The following NCKAP5 variants were observed in gnomAD, a reference collection of about 807,000 sequenced individuals.
NCKAP5 encodes the protein nck-associated protein 5.
In NCKAP5, 92 loss-of-function variants were observed where a neutral mutation model predicts 167.0. That is an observed-to-expected ratio of 0.55 (90% confidence interval 0.47 to 0.66). NCKAP5 has a LOEUF of 0.66. NCKAP5 is among the 30% of genes least tolerant of loss of function. NCKAP5 has a pLI of 0.00. For synonymous variants in NCKAP5, 891 were observed against 877.4 expected, an observed-to-expected ratio of 1.02 and a Z score of -0.27; for missense variants, 2,378 against 2,315.0, an observed-to-expected ratio of 1.03 and a Z score of -0.56.
intron 5 of NCKAP5, among the ~76,000 whole-genome samples, chr2:133,156,279 C>T (rs1220391815): frequency 4.6e-5 from 7 of 152,122 alleles, no homozygotes; most frequent in Admixed American, 4.6e-4. Context: ...TCACTTCCTC[C>T]CAGGAACCCA....
chr2:132,996,998 C>T (rs2077622433), intron 6 of NCKAP5, among the ~76,000 whole-genome samples: 1 of 152,198 alleles, frequency 6.6e-6, no homozygotes, highest in Non-Finnish European at 1.5e-5. Flanking sequence ...CTCAGTATGA[C>T]ACTGGTTGAA....
intron 8 of NCKAP5, among the ~76,000 whole-genome samples, chr2:132,926,487 A>G (rs1695901648): frequency 6.6e-6 from 1 of 152,210 alleles, no homozygotes; most frequent in Non-Finnish European, 1.5e-5. Context: ...ACTTTCCCAC[A>G]AATAGTATAA....
At chr2:132,748,274 A>C (rs1390604039) in intron 16 of NCKAP5, among the ~76,000 whole-genome samples, 2 of 152,204 alleles carry the variant, frequency 1.3e-5, no homozygotes, top group Non-Finnish European at 2.9e-5. Context: ...AATTAGGCAA[A>C]TAAGGTCATA....
intron 5 of NCKAP5, among the ~76,000 whole-genome samples, chr2:133,148,558 T>G (rs966650811): frequency 4.5e-4 from 68 of 152,134 alleles, no homozygotes; most frequent in African/African-American, 1.6e-3. Context: ...TATGGGCTAC[T>G]ATAACAAAAA....
chr2:133,520,082 T>C (rs956481083), intron 2 of NCKAP5, among the ~76,000 whole-genome samples: 1 of 152,044 alleles, frequency 6.6e-6, no homozygotes, highest in Non-Finnish European at 1.5e-5. Context: ...TCCCAGCTAC[T>C]CAGGAGGCTG....
intron 16 of NCKAP5, among the ~76,000 whole-genome samples, chr2:132,762,682 C>T (rs1188244657): frequency 6.6e-6 from 1 of 152,222 alleles, no homozygotes; most frequent in East Asian, 1.9e-4. Flanking sequence ...TAGCACATTA[C>T]TCTTCTCTTT....
chr2:133,072,581 C>T (rs2080454144), intron 6 of NCKAP5, among the ~76,000 whole-genome samples: 1 of 152,022 alleles, frequency 6.6e-6, no homozygotes, highest in South Asian at 2.1e-4. Flanking sequence ...TTCAAGAGTC[C>T]CAACTGTTAT....
intron 4 of NCKAP5, among the ~76,000 whole-genome samples, chr2:133,227,748 C>T (rs1004404565): frequency 2.6e-5 from 4 of 152,220 alleles, no homozygotes; most frequent in African/African-American, 9.6e-5. Flanking sequence ...TCATTTTCAT[C>T]ATTGAGCTTT....
In NCKAP5 at chr2:133,432,191, ATAC is replaced by A. The variant is rs140365959; in HGVS notation, c.69+85264_69+85266del. Among the ~76,000 whole-genome samples, 1,483 of 152,338 alleles carry A rather than the reference ATAC, an allele frequency of 9.7e-3. 19 individuals carry two copies. Among genetic ancestry groups the A allele is most frequent in the African/African-American group, 0.034 (1,409 of 41,580 alleles). On this transcript the variant is annotated intron_variant, in intron 3 of 19. Transcript: ENST00000409261. ...AGTTTACAATAGAACTGCAGGACTC[ATAC>A]TACCAAATTATCTGTATCATGCAAC...
intron 8 of NCKAP5, among the ~76,000 whole-genome samples, chr2:132,938,883 C>T (rs1697055000): frequency 6.6e-6 from 1 of 151,972 alleles, no homozygotes; most frequent in African/African-American, 2.4e-5. Flanking sequence ...AGTCCCTTGC[C>T]CCAGCCCCCG....
intron 19 of NCKAP5, among the ~76,000 whole-genome samples, chr2:132,712,512 T>C (rs1480438254): frequency 2.0e-5 from 3 of 151,680 alleles, no homozygotes; most frequent in African/African-American, 2.4e-5. Context: ...ATTAGCCGGG[T>C]GTAGAGGCGG....
At chr2:133,600,814 A>G in the NCKAP5 span, among the ~76,000 whole-genome samples, 1 of 152,226 alleles carries the variant, frequency 6.6e-6, no homozygotes, top group Non-Finnish European at 1.5e-5. Flanking sequence ...GTGGCTGGAC[A>G]GAGACTGAAG....
rs1002040345 is a variant in NCKAP5 at position 132,849,633 on chromosome 2, A to C, written c.807+10859T>G. ...AAAGGAAAGAACTTCTGCATTTGTT[A>C]GCTTCTAACATTAAGGTACTAGACA... On this transcript the variant is annotated intron_variant, in intron 11 of 19. Coordinates refer to ENST00000409261, the MANE Select transcript of NCKAP5 (RefSeq NM_207363.3). Among the ~76,000 whole-genome samples, 18 of 152,308 alleles carry C rather than the reference A, an allele frequency of 1.2e-4. No individual in the cohort carries two copies. In the South Asian group the frequency reaches 2.5e-3, roughly 21 times the overall value.
chr2:133,511,398 G>C (rs932542301), intron 3 of NCKAP5, among the ~76,000 whole-genome samples: 2 of 152,144 alleles, frequency 1.3e-5, no homozygotes, highest in Non-Finnish European at 2.9e-5. Flanking sequence ...TGGAGAACAG[G>C]TGGGCAGGGC....
chr2:133,477,619 TTAA>T (rs1680043278), intron 3 of NCKAP5, among the ~76,000 whole-genome samples: 1 of 152,284 alleles, frequency 6.6e-6, no homozygotes, highest in East Asian at 1.9e-4. Flanking sequence ...CCACAAGAGA[TTAA>T]CAGTAACTAC....
the NCKAP5 span, among the ~76,000 whole-genome samples, chr2:133,588,425 T>C: frequency 8.1e-6 from 1 of 123,884 alleles, no homozygotes; most frequent in Non-Finnish European, 1.7e-5. Context: ...CACCCTTCCT[T>C]CCTTCCCTAA....
intron 11 of NCKAP5, among the ~76,000 whole-genome samples, chr2:132,805,468 C>T (rs534921963): frequency 2.0e-5 from 3 of 152,294 alleles, no homozygotes; most frequent in African/African-American, 7.2e-5. Context: ...AATGTGATAT[C>T]TGTTTGCTAG....
At chr2:133,384,271 A>T (rs1043718680) in intron 3 of NCKAP5, among the ~76,000 whole-genome samples, 3 of 152,220 alleles carry the variant, frequency 2.0e-5, no homozygotes, top group African/African-American at 7.2e-5. Context: ...AGCTTTCTAC[A>T]TATGGCTAGC....
the NCKAP5 span, among the ~76,000 whole-genome samples, chr2:133,597,673 C>CAAAAAAA: frequency 2.0e-4 from 12 of 61,100 alleles, no homozygotes; most frequent in East Asian, 9.9e-4. Context: ...GACTCTGTCT[C>CAAAAAAA]AAAAAAAAAA....
Sources: allele counts gnomAD v4.1 joint callset (sites outside exome capture counted in the v4.1 genomes callset), GRCh38; gene constraint gnomAD v4.1.1; transcripts MANE v1.5; gene names NCBI Gene and HGNC (gene_info 2026-07-23, HGNC 2026-07-21).